Variants in PLCXD3 observed in about 807,000 individuals in gnomAD.
PLCXD3 encodes the protein PI-PLC X domain-containing protein 3.
A neutral mutation model predicts 25.5 loss-of-function variants in PLCXD3; 19 were observed. The observed-to-expected ratio is 0.75, with a 90% CI of 0.52 to 1.09. The LOEUF (loss-of-function observed/expected upper bound fraction) is 1.09. Ranked by LOEUF, PLCXD3 falls within the 50% of genes least tolerant of loss-of-function variation. The pLI, the probability that PLCXD3 is intolerant of heterozygous loss-of-function variation, is 0.00. For missense variants in PLCXD3, 411 were observed against 388.1 expected (o/e 1.06, Z -0.50); for synonymous variants, 174 against 137.6 (o/e 1.26, Z -1.85).
chr5:41,345,016 G>A (rs1364135625), intron 2 of PLCXD3, among the ~76,000 whole-genome samples: 1 of 152,058 alleles, frequency 6.6e-6, no homozygotes, highest in Non-Finnish European at 1.5e-5. Flanking sequence ...ATTACAAACT[G>A]GTTCTATAAA....
At chr5:41,483,740 A>G (rs1748461382) in intron 1 of PLCXD3, among the ~76,000 whole-genome samples, 1 of 152,176 alleles carries the variant, frequency 6.6e-6, no homozygotes, top group Non-Finnish European at 1.5e-5. Context: ...CTATTAAAAA[A>G]CAAATGTTTA....
chr5:41,505,847 GC>G (rs1368053583), intron 1 of PLCXD3, among the ~76,000 whole-genome samples: 1 of 152,196 alleles, frequency 6.6e-6, no homozygotes, highest in Non-Finnish European at 1.5e-5. Context: ...TGGGCAATTA[GC>G]TTTGAGTCAA....
chr5:41,461,549 C>T (rs987141686), intron 1 of PLCXD3, among the ~76,000 whole-genome samples: 3 of 151,976 alleles, frequency 2.0e-5, no homozygotes, highest in Non-Finnish European at 4.4e-5. Context: ...GAGCATTTGT[C>T]ATCACTGCCT....
At chr5:41,457,548 C>T (rs1321084206) in intron 1 of PLCXD3, among the ~76,000 whole-genome samples, 1 of 151,878 alleles carries the variant, frequency 6.6e-6, no homozygotes, top group Non-Finnish European at 1.5e-5. Context: ...GGGACATGTA[C>T]CTGTGACCAG....
At chr5:41,317,868 C>A (rs1284635594) in intron 2 of PLCXD3, among the ~76,000 whole-genome samples, 2 of 151,730 alleles carry the variant, frequency 1.3e-5, no homozygotes, top group African/African-American at 4.8e-5. Context: ...CTACAGGATG[C>A]AGAAAATAGG....
intron 1 of PLCXD3, among the ~76,000 whole-genome samples, chr5:41,411,216 T>C (rs1413054120): frequency 4.6e-5 from 7 of 152,244 alleles, no homozygotes; most frequent in Admixed American, 3.9e-4. Context: ...TTTGTTCTTG[T>C]ATGTCTGGCA....
At chr5:41,460,212 C>T (rs755262944) in intron 1 of PLCXD3, among the ~76,000 whole-genome samples, 1 of 151,878 alleles carries the variant, frequency 6.6e-6, no homozygotes, top group Middle Eastern at 3.2e-3. Context: ...ATGTTCATTC[C>T]TAGCACTCCA....
Position 41,417,162 on chromosome 5 carries a change from G to A in PLCXD3, c.104-34628C>T, listed in dbSNP as rs144358342. Among the ~76,000 whole-genome samples, 8 of 152,212 alleles carry A rather than the reference G, an allele frequency of 5.3e-5. No individual in the cohort carries two copies. In the East Asian group the frequency reaches 1.5e-3, roughly 29 times the overall value. On this transcript the variant is annotated intron_variant, in intron 1 of 2. Coordinates refer to ENST00000377801, the MANE Select transcript of PLCXD3 (RefSeq NM_001005473.3). ...GAAATAGCACTTTGTAAATCATAGGGCTCCCTACATGACACTTATTACTAT... is the reference window on the plus strand; with the variant it reads ...GAAATAGCACTTTGTAAATCATAGGACTCCCTACATGACACTTATTACTAT...
chr5:41,447,363 A>C (rs1392145822), intron 1 of PLCXD3, among the ~76,000 whole-genome samples: 1 of 152,262 alleles, frequency 6.6e-6, no homozygotes, highest in Non-Finnish European at 1.5e-5. Flanking sequence ...AAGATATTTA[A>C]GGAGCTGAGA....
At chr5:41,395,798 T>C (rs1465052184) in intron 1 of PLCXD3, among the ~76,000 whole-genome samples, 1 of 151,906 alleles carries the variant, frequency 6.6e-6, no homozygotes, top group East Asian at 1.9e-4. Flanking sequence ...AGTAATGAGA[T>C]TGAAGCTGTA....
chr5:41,431,601 T>C (rs1167611222), intron 1 of PLCXD3, among the ~76,000 whole-genome samples: 2 of 152,208 alleles, frequency 1.3e-5, no homozygotes, highest in African/African-American at 4.8e-5. Flanking sequence ...TGCTTATGTA[T>C]ATATATCACC....
intron 1 of PLCXD3, among the ~76,000 whole-genome samples, chr5:41,406,119 T>C (rs988982865): frequency 3.3e-5 from 5 of 152,092 alleles, no homozygotes; most frequent in Admixed American, 3.3e-4. Flanking sequence ...TTTTGAGACA[T>C]GGATCTTTCC....
chr5:41,504,214 C>T (rs957648966), intron 1 of PLCXD3, among the ~76,000 whole-genome samples: 6 of 152,048 alleles, frequency 3.9e-5, no homozygotes, highest in Admixed American at 6.6e-5. Context: ...TTACATTGCA[C>T]CCACTGGAAG....
Position 41,343,556 on chromosome 5 carries a change from G to A in PLCXD3, c.813-29786C>T, listed in dbSNP as rs112475637. Among the ~76,000 whole-genome samples the A allele has an allele frequency of 7.6e-3, 1,160 of 152,202 alleles. 18 individuals are homozygous for A. Among genetic ancestry groups the A allele is most frequent in the African/African-American group, 0.027 (1,112 of 41,564 alleles). On this transcript the variant is annotated intron_variant, in intron 2 of 2. Coordinates refer to ENST00000377801, the MANE Select transcript of PLCXD3 (RefSeq NM_001005473.3). ...CAGTCAAAATTTCTAACCCCAACAG[G>A]TGGTTTCACAGGTACTACTACTAAA...
intron 2 of PLCXD3, among the ~76,000 whole-genome samples, chr5:41,330,174 A>T (rs1743752778): frequency 6.6e-6 from 1 of 152,138 alleles, no homozygotes; most frequent in Admixed American, 6.5e-5. Flanking sequence ...AGATTATTAT[A>T]AAAATGTCAA....
At chr5:41,449,723 T>A (rs1747584225) in intron 1 of PLCXD3, among the ~76,000 whole-genome samples, 1 of 152,086 alleles carries the variant, frequency 6.6e-6, no homozygotes, top group African/African-American at 2.4e-5. Context: ...ACCTGGAGAT[T>A]GAGGAGACTG....
At chr5:41,380,817 G>T (rs1745436355) in intron 2 of PLCXD3, among the ~76,000 whole-genome samples, 1 of 152,098 alleles carries the variant, frequency 6.6e-6, no homozygotes, top group Non-Finnish European at 1.5e-5. Flanking sequence ...TGTTTGCATT[G>T]TTTAATATTT....
intron 2 of PLCXD3, among the ~76,000 whole-genome samples, chr5:41,343,549 C>T (rs1453127434): frequency 2.6e-5 from 4 of 152,146 alleles, no homozygotes; most frequent in East Asian, 1.9e-4. Flanking sequence ...ATTTCTAACC[C>T]CAACAGGTGG....
At chr5:41,482,904 A>C (rs1748443366) in intron 1 of PLCXD3, among the ~76,000 whole-genome samples, 1 of 152,120 alleles carries the variant, frequency 6.6e-6, no homozygotes, top group Non-Finnish European at 1.5e-5. Flanking sequence ...TAAAACTGAA[A>C]CTCTACAAAT....
Sources: gnomAD v4.1 joint callset for allele counts (sites outside exome capture counted in the v4.1 genomes callset) on GRCh38, gnomAD v4.1.1 for gene constraint, MANE v1.5 for transcripts, NCBI Gene and HGNC (gene_info 2026-07-23, HGNC 2026-07-21) for gene names.